Variants in CRELD2 observed in about 807,000 individuals in gnomAD.
CRELD2 encodes the protein protein disulfide isomerase CRELD2.
Under a neutral mutation model 48.1 loss-of-function variants are expected in CRELD2, and 33 were observed. The observed-to-expected ratio is 0.69, with a 90% CI of 0.52 to 0.92. The LOEUF (loss-of-function observed/expected upper bound fraction) is 0.92. Among genes scored for constraint, CRELD2 ranks in the 40% least tolerant of loss-of-function variants. CRELD2 has a pLI of 0.00. For synonymous variants in CRELD2, 220 were observed against 203.9 expected, an observed-to-expected ratio of 1.08 and a Z score of -0.67; for missense variants, 477 against 482.4, an observed-to-expected ratio of 0.99 and a Z score of 0.10.
chr22:49,925,264 C>A, intron 8 of CRELD2, 153 bp from the exon 9 acceptor site: 1 of 594,404 alleles, frequency 1.7e-6, no homozygotes, highest in Non-Finnish European at 2.9e-6. Context: ...TCTTCCCTCT[C>A]GAAGCCTTTC....
At chr22:49,922,153 T>A in intron 5 of CRELD2, 1 of 931,808 alleles carries the variant, frequency 1.1e-6, no homozygotes, top group Non-Finnish European at 1.6e-6. Flanking sequence ...GTTTTCTCCC[T>A]GGTTGTCACT....
At position 49,924,453 on chromosome 22, in the gene CRELD2, C is replaced by A; in HGVS notation, c.866C>A (p.Ala289Glu). The change falls in exon 8 of 10, where the codon GCA becomes GAA. Residue 289 changes from alanine to glutamate, a missense_variant and splice_region_variant. Physicochemically the swap from Ala to Glu is moderately radical, Grantham distance 107. Coordinates refer to ENST00000328268, the MANE Select transcript of CRELD2 (RefSeq NM_024324.5). Reference protein sequence around the residue: ...SGYAREHGQCADVDECSLAEK... With the variant: ...SGYAREHGQCEDVDECSLAEK... ...TACGCGAGGGAGCACGGACAGTGTGCAGGTCAGTGACGGGGTCTGTGCTGG... is the reference window on the plus strand; with the variant it reads ...TACGCGAGGGAGCACGGACAGTGTGAAGGTCAGTGACGGGGTCTGTGCTGG... 6.2e-7 allele frequency: 1 copy of A among 1,601,256 alleles called. No individual in the cohort carries two copies. The highest frequency in any genetic ancestry group is 8.5e-7 in the Non-Finnish European group (1 of 1,172,964).
chr22:49,925,404 C>A lies in CRELD2; in HGVS notation c.869-13C>A, dbSNP rs765805507. The A allele has an allele frequency of 9.1e-6, 14 of 1,538,990 alleles. No homozygotes were observed. The African/African-American group carries it at 1.4e-4, about 15-fold the overall frequency. On this transcript the variant is annotated splice_polypyrimidine_tract_variant and intron_variant, in intron 8 of 9. Transcript: ENST00000328268. ...AGCAAAGTAATTATTAAAACGGAGT[C>A]TTTTCATTTTAGATGTGGACGAGTG...
At chr22:49,925,677 G>C (rs746434579) in intron 9 of CRELD2, 120 bp downstream of exon 9, 1 of 1,536,080 alleles carries the variant, frequency 6.5e-7, no homozygotes, top group Non-Finnish European at 8.7e-7. Flanking sequence ...GTGAGAGGGG[G>C]ATTCCCGGAA....
chr22:49,920,063 C>A (rs1032881369), intron 3 of CRELD2, 93 bp from the exon 4 acceptor site: 8 of 886,456 alleles, frequency 9.0e-6, no homozygotes, highest in African/African-American at 3.3e-5. Context: ...CTGGACCTTA[C>A]AATACTCCAG....
rs764584984 is a variant in CRELD2, at chr22:49,924,386, A to G, written c.799A>G (p.Thr267Ala). 1 of 1,612,308 alleles carries G rather than the reference A, an allele frequency of 6.2e-7. No homozygotes were observed. The highest frequency in any genetic ancestry group is 8.5e-7 in the Non-Finnish European group (1 of 1,179,466). Reference sequence around the variant, plus strand: ...GTGTGACTCCAGCTGTGTGGGCTGCACAGGGGAAGGCCCAGGAAACTGTAA... The same window carrying G: ...GTGTGACTCCAGCTGTGTGGGCTGCGCAGGGGAAGGCCCAGGAAACTGTAA... ...EECDSSCVGC[T>A]GEGPGNCKEC... is the part of the protein sequence containing the mutation. The change falls in exon 8 of 10, where the codon ACA (threonine) becomes GCA (alanine). Residue 267 changes from threonine to alanine, a missense_variant. By Grantham distance (58) the Thr-to-Ala change is moderately conservative. Coordinates refer to ENST00000328268, the MANE Select transcript of CRELD2 (RefSeq NM_024324.5).
intron 4 of CRELD2, chr22:49,921,283 A>C (rs2060683847): frequency 2.6e-6 from 1 of 381,968 alleles, no homozygotes; most frequent in Non-Finnish European, 4.7e-6. Context: ...AGAGCCGCTC[A>C]GCTTTAGTAT....
At chr22:49,925,342 G>A in intron 8 of CRELD2, 75 bp from the exon 9 acceptor site, 1 of 970,104 alleles carries the variant, frequency 1.0e-6, no homozygotes, top group East Asian at 2.4e-5. Flanking sequence ...GAATGAATCT[G>A]AATGAATGAA....
At chr22:49,923,086 T>C in intron 6 of CRELD2, 148 bp from the exon 7 acceptor site, 1 of 631,244 alleles carries the variant, frequency 1.6e-6, no homozygotes, top group East Asian at 2.8e-5. Flanking sequence ...AGGATGGCAT[T>C]TGAGATGATT....
intron 4 of CRELD2, 38 bp from the exon 5 acceptor site, chr22:49,921,547 C>T (rs1369579022): frequency 1.3e-6 from 2 of 1,595,084 alleles, no homozygotes; most frequent in Non-Finnish European, 1.7e-6. Flanking sequence ...CCGGTCACCA[C>T]CAGGTGTGCT....
chr22:49,919,423 C>T (rs2060653233), intron 2 of CRELD2, 111 bp downstream of exon 2: 20 of 977,038 alleles, frequency 2.0e-5, no homozygotes, highest in Middle Eastern at 2.5e-4. Context: ...GCCCCCGAGG[C>T]ACCAGTCACC....
At position 49,920,217 on chromosome 22, in the gene CRELD2, T is replaced by C. The variant is rs2060668997; in HGVS notation, c.385T>C (p.Ser129Pro). 6.2e-7 allele frequency: 1 copy of C among 1,612,832 alleles called. No homozygotes were observed. Among genetic ancestry groups the C allele is most frequent in the Admixed American group, 1.7e-5 (1 of 59,948 alleles). The change falls in exon 4 of 10, where the codon TCT becomes CCT. Residue 129 changes from serine (S) to proline (P), a missense_variant. Transcript: ENST00000328268. ...FCVKTLKVCC[S>P]PGTYGPDCLA... Reference sequence around the variant, plus strand: ...TGTGAAGACACTGAAAGTGTGCTGCTCTCCAGGAACCTACGGTCCCGACTG... The same window carrying C: ...TGTGAAGACACTGAAAGTGTGCTGCCCTCCAGGAACCTACGGTCCCGACTG...
chr22:49,922,706 G>T lies in CRELD2; in HGVS notation c.687G>T (p.Val229=). The T allele has an allele frequency of 1.9e-6, 3 of 1,543,516 alleles. No individual in the cohort carries two copies. In the East Asian group the frequency reaches 7.3e-5, roughly 37 times the overall value. ...VGWVLDEGAC[V]DVDECAAEPP... Reference sequence around the variant, plus strand: ...GGGTGCTGGACGAGGGCGCCTGTGTGGGTGAGGAGCGGCCCGGGGGTGGAG... The same window carrying T: ...GGGTGCTGGACGAGGGCGCCTGTGTTGGTGAGGAGCGGCCCGGGGGTGGAG... The change falls in exon 6 of 10, where the codon GTG becomes GTT. Residue 229 remains valine (V), a splice_region_variant and synonymous_variant. Coordinates refer to ENST00000328268, the MANE Select transcript of CRELD2 (RefSeq NM_024324.5).
chr22:49,927,382 G>A lies in CRELD2; in HGVS notation c.*75G>A, dbSNP rs2060780020. On this transcript the variant is annotated 3_prime_UTR_variant, in exon 10 of 10. Coordinates refer to ENST00000328268, the MANE Select transcript of CRELD2 (RefSeq NM_024324.5). ...TGTGGCCCTGAGGATGCCGTCTCCT[G>A]CAGTGGACAGCGGCGGGGAGAGGCT... The A allele has an allele frequency of 1.6e-6, 2 of 1,232,354 alleles. No individual in the cohort carries two copies. Among genetic ancestry groups the A allele is most frequent in the African/African-American group, 1.5e-5 (1 of 67,180 alleles). The allele number at this position is 1,232,354 out of a possible 1,614,324, so 76.3% of individuals were successfully genotyped here.
chr22:49,922,987 C>T (rs1474556225), intron 6 of CRELD2, among the ~76,000 whole-genome samples: 2 of 150,784 alleles, frequency 1.3e-5, no homozygotes, highest in Non-Finnish European at 2.9e-5. Flanking sequence ...TCGCCATCCT[C>T]ATGGGGCGCC....
chr22:49,922,859 G>C (rs2060711451), intron 6 of CRELD2, 152 bp downstream of exon 6: 1 of 112,088 alleles, frequency 8.9e-6, no homozygotes, highest in African/African-American at 8.0e-5. Flanking sequence ...GAGGTGTGGG[G>C]CTTGGGGTGT....
Position 49,923,336 on chromosome 22 carries a change from T to TCTGCACTTCGGGGC in CRELD2, c.772+26_772+27insTCGGGGCCTGCACT. On this transcript the variant is annotated intron_variant, in intron 7 of 9. Coordinates refer to ENST00000328268, the MANE Select transcript of CRELD2 (RefSeq NM_024324.5). ...TGCGAAGGTGGGCCAGGCGGGCGGGTCTGCACTCCGGGGCCTGCCGGGTTT... is the reference window on the plus strand; with the variant it reads ...TGCGAAGGTGGGCCAGGCGGGCGGGTCTGCACTTCGGGGCCTGCACTCCGGGGCCTGCCGGGTTT... 6.4e-7 allele frequency: 1 copy of TCTGCACTTCGGGGC among 1,564,986 alleles called. No homozygotes were observed.
At chr22:49,921,444 C>T (rs2060685853) in intron 4 of CRELD2, 141 bp from the exon 5 acceptor site, 4 of 897,840 alleles carry the variant, frequency 4.5e-6, no homozygotes, top group Non-Finnish European at 6.6e-6. Flanking sequence ...TCAGTTTCCC[C>T]AAACACCCAC....
At chr22:49,923,840 G>C (rs2060729070) in intron 7 of CRELD2, 1 of 269,932 alleles carries the variant, frequency 3.7e-6, no homozygotes, top group Non-Finnish European at 7.2e-6. Flanking sequence ...AAATCGCTCA[G>C]TCAAGGGAAT....
Sources: gnomAD v4.1 joint callset for allele counts (sites outside exome capture counted in the v4.1 genomes callset) on GRCh38, gnomAD v4.1.1 for gene constraint, MANE v1.5 for transcripts, NCBI Gene and HGNC (gene_info 2026-07-23, HGNC 2026-07-21) for gene names.